The following SOX5 variants were observed in gnomAD, a reference collection of about 807,000 sequenced individuals.
SOX5 encodes the protein transcription factor SOX-5.
A neutral mutation model predicts 92.0 loss-of-function variants in SOX5; 9 were observed. That is an observed-to-expected ratio of 0.10 (90% CI 0.06 to 0.17). SOX5 has a LOEUF of 0.17. Among genes scored for constraint, SOX5 ranks in the 10% least tolerant of loss-of-function variants. The pLI, the probability that SOX5 is intolerant of heterozygous loss-of-function variation, is 1.00. For missense variants in SOX5, 642 were observed against 944.5 expected, an observed-to-expected ratio of 0.68 and a Z score of 4.20; for synonymous variants, 344 against 336.3, an observed-to-expected ratio of 1.02 and a Z score of -0.25.
intron 2 of SOX5, among the ~76,000 whole-genome samples, chr12:24,289,875 A>T (rs1946421543): frequency 6.6e-6 from 1 of 152,232 alleles, no homozygotes; most frequent in African/African-American, 2.4e-5. Context: ...CAAAGGTCAG[A>T]CATGCTTACT....
At chr12:23,573,659 C>T (rs144286170) in intron 10 of SOX5, among the ~76,000 whole-genome samples, 107 of 152,326 alleles carry the variant, frequency 7.0e-4, no homozygotes, top group Admixed American at 1.5e-3. Flanking sequence ...GAGCCTAATT[C>T]TCCTTGCCTT....
At chr12:23,876,006 T>C (rs1258000428) in intron 2 of SOX5, among the ~76,000 whole-genome samples, 2 of 152,134 alleles carry the variant, frequency 1.3e-5, no homozygotes, top group Non-Finnish European at 2.9e-5. Flanking sequence ...TATTCACAAA[T>C]TTACAAGCAG....
rs572062206 is a variant in SOX5 at position 23,998,586 on chromosome 12, C to T, written c.-1-102562G>A. On this transcript the variant is annotated intron_variant, in intron 4 of 4. Coordinates refer to the SOX5 transcript ENST00000446891. The stretch of plus-strand genomic sequence containing the variant: ...TTGGGAGGCTGAGGCTGGTGGATCA[C>T]GAGGTCAGGAGTTCAAGACCAGCCT... 1.8e-4 allele frequency among the ~76,000 whole-genome samples: 28 copies of T among 151,728 alleles called. 1 individual carries two copies. Among genetic ancestry groups the T allele is most frequent in the Middle Eastern group, 6.4e-3 (2 of 314 alleles).
chr12:23,920,417 A>T (rs1028799222), intron 1 of SOX5: 3 of 152,040 alleles, frequency 2.0e-5, no homozygotes, highest in Admixed American at 6.5e-5. Context: ...TAGATAGATG[A>T]CTCTCTAGAT....
intron 6 of SOX5, among the ~76,000 whole-genome samples, chr12:23,708,564 A>G (rs1490928974): frequency 6.6e-6 from 1 of 152,172 alleles, no homozygotes; most frequent in Non-Finnish European, 1.5e-5. Context: ...TTTTTCTTTC[A>G]GAACATTGAT....
intron 10 of SOX5, among the ~76,000 whole-genome samples, chr12:23,572,117 A>G (rs1010550764): frequency 2.0e-5 from 3 of 152,196 alleles, no homozygotes; most frequent in South Asian, 4.1e-4. Flanking sequence ...GCATTCTTAT[A>G]GAATACACTG....
intron 1 of SOX5, among the ~76,000 whole-genome samples, chr12:24,372,683 T>C (rs1289238616): frequency 6.6e-6 from 1 of 152,188 alleles, no homozygotes; most frequent in Non-Finnish European, 1.5e-5. Flanking sequence ...TTTCTAGTTC[T>C]AGATCCTTGA....
chr12:24,151,475 A>G (rs982621746), intron 4 of SOX5, among the ~76,000 whole-genome samples: 4 of 152,166 alleles, frequency 2.6e-5, no homozygotes, highest in African/African-American at 7.2e-5. Flanking sequence ...TCAATTAACT[A>G]TTTACAATTG....
intron 8 of SOX5, among the ~76,000 whole-genome samples, chr12:23,612,866 A>G (rs2076130063): frequency 6.6e-6 from 1 of 152,198 alleles, no homozygotes; most frequent in African/African-American, 2.4e-5. Context: ...TGTTATCTTT[A>G]TAGCTTAATT....
At chr12:24,280,740 T>C (rs1198376570) in intron 2 of SOX5, among the ~76,000 whole-genome samples, 1 of 152,094 alleles carries the variant, frequency 6.6e-6, no homozygotes, top group Non-Finnish European at 1.5e-5. Flanking sequence ...AGTATGCTTA[T>C]GAGAGGGTTT....
intron 11 of SOX5, among the ~76,000 whole-genome samples, chr12:23,560,211 G>A (rs981367139): frequency 5.3e-5 from 8 of 152,044 alleles, no homozygotes; most frequent in East Asian, 1.9e-4. Flanking sequence ...GTGCCTGGCC[G>A]GGAGTATTAC....
In SOX5 at chr12:23,831,957, T is replaced by TACAC. The variant is rs61053165; in HGVS notation, c.481+14022_481+14025dup. Among the ~76,000 whole-genome samples, 641 of 142,828 alleles carry TACAC rather than the reference T, an allele frequency of 4.5e-3. 6 individuals carry two copies. Among genetic ancestry groups the TACAC allele is most frequent in the African/African-American group, 0.015 (553 of 37,830 alleles). 93.7% of individuals were successfully genotyped at this position (142,828 alleles called of 152,430 possible). A position where few individuals can be genotyped will look rare whatever the true frequency, so the allele number is the denominator to read the frequency against. On this transcript the variant is annotated intron_variant, in intron 3 of 14. Coordinates refer to ENST00000451604, the MANE Select transcript of SOX5 (RefSeq NM_006940.6). ...CATATGTAGGATCTGAAAGGGGAAC[T>TACAC]ACACACACACACACACACACACACA...
chr12:23,828,149 T>G (rs1352178785), intron 3 of SOX5, among the ~76,000 whole-genome samples: 4 of 152,234 alleles, frequency 2.6e-5, no homozygotes, highest in Non-Finnish European at 2.9e-5. Flanking sequence ...TTGTTACAAT[T>G]GCCTACCATA....
chr12:24,013,631 A>G (rs1281892660), intron 4 of SOX5, among the ~76,000 whole-genome samples: 1 of 152,138 alleles, frequency 6.6e-6, no homozygotes, highest in Non-Finnish European at 1.5e-5. Context: ...ATAGTGAACT[A>G]ATTTGTATCT....
At chr12:24,513,581 A>G (rs1190496680) in intron 1 of SOX5, among the ~76,000 whole-genome samples, 2 of 152,202 alleles carry the variant, frequency 1.3e-5, no homozygotes, top group Non-Finnish European at 2.9e-5. Flanking sequence ...TCTTTACATA[A>G]TTTGTTAATA....
At chr12:23,631,389 T>A (rs1360694715) in intron 8 of SOX5, among the ~76,000 whole-genome samples, 1 of 152,090 alleles carries the variant, frequency 6.6e-6, no homozygotes, top group Non-Finnish European at 1.5e-5. Context: ...AACACATTAG[T>A]TGCCCTCTCT....
intron 1 of SOX5, among the ~76,000 whole-genome samples, chr12:24,491,066 CTTT>C (rs1407827873): frequency 1.2e-3 from 187 of 152,020 alleles, no homozygotes; most frequent in African/African-American, 4.4e-3. Context: ...TTCTTTCTTT[CTTT>C]CCTTCTTTCT....
intron 3 of SOX5, among the ~76,000 whole-genome samples, chr12:23,821,666 G>A (rs2142763646): frequency 6.6e-6 from 1 of 152,260 alleles, no homozygotes; most frequent in East Asian, 1.9e-4. Context: ...TGTGATGGAT[G>A]AAACCAGCTT....
chr12:24,056,974 C>CAAAAAAAAAAAAAAAAAAAAAAAAA (rs60085412), intron 4 of SOX5, among the ~76,000 whole-genome samples: 7 of 36,896 alleles, frequency 1.9e-4, no homozygotes, highest in Non-Finnish European at 2.8e-4. Context: ...GACTCCGTCT[C>CAAAAAAAAAAAAAAAAAAAAAAAAA]AAAAAAAAAA....
Sources: gnomAD v4.1 joint callset for allele counts (sites outside exome capture counted in the v4.1 genomes callset) on GRCh38, gnomAD v4.1.1 for gene constraint, MANE v1.5 for transcripts, NCBI Gene and HGNC (gene_info 2026-07-23, HGNC 2026-07-21) for gene names.